FUBP3: variants seen among roughly 807,000 people sequenced by gnomAD.
FUBP3 encodes the protein far upstream element binding protein 3, also known as far upstream element-binding protein 3.
Under a neutral mutation model 85.6 loss-of-function variants are expected in FUBP3, and 28 were observed. That is an observed-to-expected ratio of 0.33 (90% CI 0.24 to 0.45). The LOEUF (loss-of-function observed/expected upper bound fraction) is 0.45. Among genes scored for constraint, FUBP3 ranks in the 20% least tolerant of loss-of-function variants. The probability of loss-of-function intolerance (pLI) is 1.00; values close to 1 mark genes in which losing one functional copy is unlikely to be tolerated. For missense variants in FUBP3, 583 were observed against 755.1 expected (o/e 0.77, Z 2.67); for synonymous variants, 271 against 271.4 (o/e 1.00, Z 0.01).
chr9:130,609,876 T>C lies in FUBP3; in HGVS notation c.191-78T>C. On this transcript the variant is annotated intron_variant, in intron 2 of 18. Transcript: ENST00000319725. Reference sequence around the variant, plus strand: ...CCTTTCTTTTCCACCCCACCCGAAATGGTAAGAATGGTAAGGATGAAGTTA... The same window carrying C: ...CCTTTCTTTTCCACCCCACCCGAAACGGTAAGAATGGTAAGGATGAAGTTA... 3 of 1,110,726 alleles carry C rather than the reference T, an allele frequency of 2.7e-6. No homozygotes were observed. The South Asian group carries it at 3.8e-5, about 14-fold the overall frequency. The allele number at this position is 1,110,726 out of a possible 1,614,324, so 68.8% of individuals were successfully genotyped here. A position where few individuals can be genotyped will look rare whatever the true frequency, so the allele number is the denominator to read the frequency against.
intron 2 of FUBP3, among the ~76,000 whole-genome samples, chr9:130,600,999 G>A (rs1053833360): frequency 6.6e-6 from 1 of 152,078 alleles, no homozygotes; most frequent in African/African-American, 2.4e-5. Flanking sequence ...AAGCTTGCAG[G>A]CTATGTATCC....
chr9:130,615,269 C>G lies in FUBP3; in HGVS notation c.404+924C>G, dbSNP rs149536105. ...GCAAAATATTAAAAAGCTGCTGTAA[C>G]TGGGAAGATACACGAAGCTGATTCT... On this transcript the variant is annotated intron_variant, in intron 6 of 18. Transcript: ENST00000319725. Among the ~76,000 whole-genome samples the G allele has an allele frequency of 3.9e-5, 6 of 152,286 alleles. No homozygotes were observed. In the East Asian group the frequency reaches 1.2e-3, roughly 29 times the overall value.
At chr9:130,628,728 G>C (rs1042426171) in intron 12 of FUBP3, among the ~76,000 whole-genome samples, 2 of 152,086 alleles carry the variant, frequency 1.3e-5, no homozygotes, top group Non-Finnish European at 2.9e-5. Flanking sequence ...TCTTACGTGT[G>C]CCTGTGGAAA....
Position 130,636,308 on chromosome 9 carries a change from C to G in FUBP3, c.1710+182C>G, listed in dbSNP as rs566460297. 6 of 716,168 alleles carry G rather than the reference C, an allele frequency of 8.4e-6. No homozygotes were observed. The African/African-American group carries it at 1.0e-4, about 13-fold the overall frequency. The allele number at this position is 716,168 out of a possible 1,614,324, so 44.4% of individuals were successfully genotyped here. A position where few individuals can be genotyped will look rare whatever the true frequency, so the allele number is the denominator to read the frequency against. The stretch of plus-strand genomic sequence containing the variant: ...GCTCCAGCCCCTCTGTCCCTCCTCG[C>G]TCTGGAGAAAAAGAGTTTAGGCCAA... On this transcript the variant is annotated intron_variant, in intron 18 of 18. Transcript: ENST00000319725.
At chr9:130,598,060 A>G (rs897485212) in intron 2 of FUBP3, among the ~76,000 whole-genome samples, 1 of 152,238 alleles carries the variant, frequency 6.6e-6, no homozygotes, top group Non-Finnish European at 1.5e-5. Flanking sequence ...GAAAATACGC[A>G]ATATAAATGA....
intron 11 of FUBP3, among the ~76,000 whole-genome samples, chr9:130,624,852 G>A (rs997766063): frequency 5.3e-5 from 8 of 152,090 alleles, no homozygotes; most frequent in African/African-American, 1.7e-4. Context: ...TTGGGAGGCC[G>A]AGGCAAGCGG....
chr9:130,620,191 A>T (rs542082126), intron 8 of FUBP3, among the ~76,000 whole-genome samples, 163 bp from the exon 9 acceptor site: 1 of 152,254 alleles, frequency 6.6e-6, no homozygotes, highest in African/African-American at 2.4e-5. Context: ...TTAAGATACG[A>T]TACACACATC....
intron 18 of FUBP3, chr9:130,636,351 G>A (rs537440184): frequency 6.8e-5 from 44 of 643,384 alleles, no homozygotes; most frequent in South Asian, 5.3e-4. Flanking sequence ...GATTGGGGGC[G>A]CAGCCCCTAC....
intron 3 of FUBP3, among the ~76,000 whole-genome samples, chr9:130,610,339 A>G (rs920666363): frequency 1.3e-5 from 2 of 152,178 alleles, no homozygotes; most frequent in Non-Finnish European, 2.9e-5. Context: ...CCTTCACCTG[A>G]GAAGAGACAC....
intron 16 of FUBP3, among the ~76,000 whole-genome samples, chr9:130,634,111 T>C (rs1745464896): frequency 6.6e-6 from 1 of 152,122 alleles, no homozygotes; most frequent in African/African-American, 2.4e-5. Context: ...ACTGCCCACA[T>C]AGCCTAGAGG....
At chr9:130,617,327 G>C (rs1832059284) in intron 7 of FUBP3, among the ~76,000 whole-genome samples, 1 of 152,202 alleles carries the variant, frequency 6.6e-6, no homozygotes, top group Non-Finnish European at 1.5e-5. Flanking sequence ...CTTGGGTCCT[G>C]GTTGTAAGGA....
At chr9:130,602,415 A>G (rs1831200815) in intron 2 of FUBP3, among the ~76,000 whole-genome samples, 1 of 152,120 alleles carries the variant, frequency 6.6e-6, no homozygotes, top group Non-Finnish European at 1.5e-5. Context: ...AAGGACAGAA[A>G]AGGAAGACAG....
chr9:130,592,612 C>T (rs1469140496), intron 1 of FUBP3, among the ~76,000 whole-genome samples: 1 of 152,122 alleles, frequency 6.6e-6, no homozygotes, highest in African/African-American at 2.4e-5. Flanking sequence ...GTGGCTCGAT[C>T]GTAGCTCACT....
At chr9:130,618,782 A>G (rs1188179802) in intron 8 of FUBP3, among the ~76,000 whole-genome samples, 1 of 152,184 alleles carries the variant, frequency 6.6e-6, no homozygotes, top group Non-Finnish European at 1.5e-5. Context: ...CAGTGAAAGT[A>G]TCCAGTCCCT....
At chr9:130,604,637 C>T (rs1173017960) in intron 2 of FUBP3, among the ~76,000 whole-genome samples, 2 of 152,228 alleles carry the variant, frequency 1.3e-5, no homozygotes, top group Admixed American at 6.5e-5. Flanking sequence ...CATGGTTGCT[C>T]ATGCTTGTAA....
At chr9:130,602,189 T>C (rs1045916808) in intron 2 of FUBP3, among the ~76,000 whole-genome samples, 3 of 152,144 alleles carry the variant, frequency 2.0e-5, no homozygotes, top group Non-Finnish European at 4.4e-5. Context: ...TAGGAAAAAA[T>C]GTAGCGTATA....
At chr9:130,619,971 C>G (rs1206640530) in intron 8 of FUBP3, among the ~76,000 whole-genome samples, 1 of 152,314 alleles carries the variant, frequency 6.6e-6, no homozygotes, top group East Asian at 1.9e-4. Flanking sequence ...CTTAGACACC[C>G]CTTCCTGCTA....
chr9:130,585,189 T>C lies in FUBP3; in HGVS notation c.84+5425T>C, dbSNP rs1254579486. ...GAAAAAAAAAGATTTCTGGTTTCCC[T>C]AGAAAAGATCTGGCCACACTGCTCC... On this transcript the variant is annotated intron_variant, in intron 1 of 18. Coordinates refer to ENST00000319725, the MANE Select transcript of FUBP3 (RefSeq NM_003934.2). Among the ~76,000 whole-genome samples the C allele has an allele frequency of 2.0e-5, 3 of 152,262 alleles. No homozygotes were observed. In the East Asian group the frequency reaches 5.8e-4, roughly 29 times the overall value.
In FUBP3 at chr9:130,616,220, G is replaced by C. The variant is rs879021047; in HGVS notation, c.405-135G>C. 4.0e-6 allele frequency: 3 copies of C among 749,808 alleles called. No homozygotes were observed. Among genetic ancestry groups the C allele is most frequent in the Non-Finnish European group, 6.6e-6 (3 of 454,754 alleles). The allele number at this position is 749,808 out of a possible 1,614,324, so 46.4% of individuals were successfully genotyped here. ...GATGGCAGAGAGACCTCCGGGTTGT[G>C]GGGGCAGGAGCTGGAGCTGGATGGA... On this transcript the variant is annotated intron_variant, in intron 6 of 18. Coordinates refer to ENST00000319725, the MANE Select transcript of FUBP3 (RefSeq NM_003934.2). This position sits in a 1 kb window ranked among gnomAD's most constrained non-coding sequence, Gnocchi z 4.7.
Sources: gnomAD v4.1 joint callset for allele counts (sites outside exome capture counted in the v4.1 genomes callset) on GRCh38, gnomAD v4.1.1 for gene constraint, Gnocchi (gnomAD v3.1) non-coding constraint, MANE v1.5 for transcripts, NCBI Gene and HGNC (gene_info 2026-07-23, HGNC 2026-07-21) for gene names.